The following GRK5 variants were observed in gnomAD, a reference collection of about 807,000 sequenced individuals.
GRK5 encodes G protein-coupled receptor kinase 5, also known as g protein-coupled receptor kinase GRK5.
In GRK5, 40 loss-of-function variants were observed where a neutral mutation model predicts 78.4. That is an observed-to-expected ratio of 0.51 (90% CI 0.40 to 0.66). The LOEUF (loss-of-function observed/expected upper bound fraction) is 0.66, where lower values mean the gene tolerates loss of function less well. Among genes scored for constraint, GRK5 ranks in the 30% least tolerant of loss-of-function variants. The pLI, the probability that GRK5 is intolerant of heterozygous loss-of-function variation, is 0.00. For synonymous variants in GRK5, 289 were observed against 296.8 expected (o/e 0.97, Z 0.27); for missense variants, 598 against 759.9 (o/e 0.79, Z 2.50).
intron 10 of GRK5, 103 bp from the exon 11 acceptor site, chr10:119,441,896 A>G (rs757774698): frequency 9.4e-6 from 8 of 852,508 alleles, no homozygotes; most frequent in Non-Finnish European, 1.4e-5. Flanking sequence ...CCTTGGACAG[A>G]TGAGAATGCC....
chr10:119,279,244 T>G (rs1311195593), intron 1 of GRK5, among the ~76,000 whole-genome samples: 1 of 152,214 alleles, frequency 6.6e-6, no homozygotes, highest in Non-Finnish European at 1.5e-5. Context: ...AATGGCCTCA[T>G]TTTTGCATGA....
At chr10:119,368,299 G>C (rs952527003) in intron 2 of GRK5, among the ~76,000 whole-genome samples, 3 of 152,224 alleles carry the variant, frequency 2.0e-5, no homozygotes, top group African/African-American at 7.2e-5. Flanking sequence ...AGAGCCCCAG[G>C]CCTCTGCGAA....
intron 4 of GRK5, among the ~76,000 whole-genome samples, chr10:119,399,548 T>C (rs781582633): frequency 2.0e-5 from 3 of 152,138 alleles, no homozygotes; most frequent in African/African-American, 4.8e-5. Flanking sequence ...AGGTAGACCA[T>C]AGGAGAGTGG....
At chr10:119,374,611 T>C (rs1164356520) in intron 2 of GRK5, among the ~76,000 whole-genome samples, 1 of 152,222 alleles carries the variant, frequency 6.6e-6, no homozygotes, top group Non-Finnish European at 1.5e-5. Context: ...TTATTGTATG[T>C]GCATGTGTCT....
intron 2 of GRK5, chr10:119,333,524 G>A (rs1282111901): frequency 6.5e-6 from 2 of 308,790 alleles, no homozygotes; most frequent in East Asian, 1.9e-4. Context: ...GGCTTCAAGG[G>A]GAGAGTGACC....
intron 1 of GRK5, among the ~76,000 whole-genome samples, chr10:119,316,420 A>G (rs1850487525): frequency 6.6e-6 from 1 of 152,240 alleles, no homozygotes; most frequent in South Asian, 2.1e-4. Flanking sequence ...CTAACTACCC[A>G]GGATTAGTGC....
intron 3 of GRK5, among the ~76,000 whole-genome samples, chr10:119,384,660 AT>A (rs1487992831): frequency 6.6e-6 from 1 of 152,140 alleles, no homozygotes; most frequent in African/African-American, 2.4e-5. Flanking sequence ...TGGTCTGTGA[AT>A]CCTCAGCCCA....
chr10:119,238,749 G>A lies in GRK5; in HGVS notation c.52+30780G>A, dbSNP rs1435403229. Among the ~76,000 whole-genome samples the A allele has an allele frequency of 3.3e-5, 5 of 152,144 alleles. No homozygotes were observed. Among genetic ancestry groups the A allele is most frequent in the Non-Finnish European group, 1.5e-5 (1 of 68,030 alleles). On this transcript the variant is annotated intron_variant, in intron 1 of 15. Transcript: ENST00000392870. The surrounding 1 kb of genome is among the most constrained non-coding windows in gnomAD (Gnocchi z 4.7). ...CACTCTAATTTGCCATCTGGAATTG[G>A]TTAGCCACATTCTTCTGGGCTCTGA...
chr10:119,307,239 C>G (rs1850286385), intron 1 of GRK5, among the ~76,000 whole-genome samples: 2 of 151,988 alleles, frequency 1.3e-5, no homozygotes, highest in Admixed American at 1.3e-4. Flanking sequence ...GGGTTTAAAC[C>G]CAGGCAGTCT....
intron 2 of GRK5, among the ~76,000 whole-genome samples, chr10:119,366,741 C>A (rs980814515): frequency 2.0e-5 from 3 of 152,164 alleles, no homozygotes; most frequent in African/African-American, 7.2e-5. Flanking sequence ...TGCCTCCTCC[C>A]CACCGTGGAC....
At chr10:119,208,020 G>A (rs1261601984) in intron 1 of GRK5, 51 bp downstream of exon 1, 1 of 1,563,742 alleles carries the variant, frequency 6.4e-7, no homozygotes, top group Non-Finnish European at 8.7e-7. Context: ...GGGCCAGGGT[G>A]CGGGTGTCGG....
chr10:119,274,835 C>T (rs1005054896), intron 1 of GRK5, among the ~76,000 whole-genome samples: 3 of 152,342 alleles, frequency 2.0e-5, no homozygotes, highest in African/African-American at 4.8e-5. Flanking sequence ...CTTGGTTCCA[C>T]CTCTCACTGG....
At chr10:119,245,577 A>G (rs1186907749) in intron 1 of GRK5, among the ~76,000 whole-genome samples, 1 of 152,206 alleles carries the variant, frequency 6.6e-6, no homozygotes, top group Non-Finnish European at 1.5e-5. Flanking sequence ...ATAGTAGTCA[A>G]ACTCATAAGA....
chr10:119,445,673 G>A lies in GRK5; in HGVS notation c.1266+1921G>A, dbSNP rs1397992036. 1.3e-5 allele frequency among the ~76,000 whole-genome samples: 2 copies of A among 152,140 alleles called. No homozygotes were observed. The highest frequency in any genetic ancestry group is 2.4e-5 in the African/African-American group (1 of 41,424). Reference sequence around the variant, plus strand: ...GAGTCTAGTCTTAGGCCTCCTTCACGCCCTTGACTGCAGCATCTCCGGCAT... The same window carrying A: ...GAGTCTAGTCTTAGGCCTCCTTCACACCCTTGACTGCAGCATCTCCGGCAT... On this transcript the variant is annotated intron_variant, in intron 12 of 15. Transcript: ENST00000392870. This position sits in a 1 kb window ranked among gnomAD's most constrained non-coding sequence, Gnocchi z 4.1.
chr10:119,336,313 G>A lies in GRK5; in HGVS notation c.148+9702G>A, dbSNP rs2133777503. On this transcript the variant is annotated intron_variant, in intron 2 of 15. Coordinates refer to ENST00000392870, the MANE Select transcript of GRK5 (RefSeq NM_005308.3). This position sits in a 1 kb window ranked among gnomAD's most constrained non-coding sequence, Gnocchi z 4.5. Reference sequence around the variant, plus strand: ...AGCATCACACTCTGCCCAGGCCCCTGCTCTGGCCCAGTGTGTTTCCTTGAA... The same window carrying A: ...AGCATCACACTCTGCCCAGGCCCCTACTCTGGCCCAGTGTGTTTCCTTGAA... 6.6e-6 allele frequency: 1 copy of A among 152,276 alleles called. No homozygotes were observed. The highest frequency in any genetic ancestry group is 2.1e-4 in the South Asian group (1 of 4,820). The allele number at this position is 152,276 out of a possible 1,614,324, so 9.4% of individuals were successfully genotyped here.
intron 1 of GRK5, among the ~76,000 whole-genome samples, chr10:119,233,958 A>C (rs1848876675): frequency 6.6e-6 from 1 of 152,242 alleles, no homozygotes; most frequent in African/African-American, 2.4e-5. Flanking sequence ...TAGCTGTGTG[A>C]GTCCGGAAGT....
chr10:119,217,757 C>G lies in GRK5; in HGVS notation c.52+9788C>G, dbSNP rs1165420183. On this transcript the variant is annotated intron_variant, in intron 1 of 15. Coordinates refer to ENST00000392870, the MANE Select transcript of GRK5 (RefSeq NM_005308.3). The surrounding 1 kb of genome is among the most constrained non-coding windows in gnomAD (Gnocchi z 4.1). Reference sequence around the variant, plus strand: ...CTGCTGGCTCACCACACATAGCTCCCATCTGCCCTGCACCCTGCTTCCCTG... The same window carrying G: ...CTGCTGGCTCACCACACATAGCTCCGATCTGCCCTGCACCCTGCTTCCCTG... 6.6e-6 allele frequency among the ~76,000 whole-genome samples: 1 copy of G among 152,214 alleles called. No individual in the cohort carries two copies. The highest frequency in any genetic ancestry group is 1.5e-5 in the Non-Finnish European group (1 of 68,040).
In GRK5 at chr10:119,253,836, T is replaced by C. The variant is rs939119456; in HGVS notation, c.52+45867T>C. 7.2e-6 allele frequency among the ~76,000 whole-genome samples: 1 copy of C among 139,400 alleles called. No homozygotes were observed. Among genetic ancestry groups the C allele is most frequent in the African/African-American group, 2.8e-5 (1 of 36,352 alleles). The allele number at this position is 139,400 out of a possible 152,430, so 91.5% of individuals were successfully genotyped here. A position where few individuals can be genotyped will look rare whatever the true frequency, so the allele number is the denominator to read the frequency against. On this transcript the variant is annotated intron_variant, in intron 1 of 15. Transcript: ENST00000392870. This position sits in a 1 kb window ranked among gnomAD's most constrained non-coding sequence, Gnocchi z 5.7. ...TTAGTGTTTGGGTTCCTGGTGGTTC[T>C]TTGCCCCAGGGGTGTGTGTGTGTGT...
chr10:119,321,917 T>G (rs1850592354), intron 1 of GRK5, among the ~76,000 whole-genome samples: 1 of 152,100 alleles, frequency 6.6e-6, no homozygotes, highest in Admixed American at 6.6e-5. Flanking sequence ...CAACCCCTGT[T>G]CTTTTCCTAA....
Sources: gnomAD v4.1 joint callset for allele counts (sites outside exome capture counted in the v4.1 genomes callset) on GRCh38, gnomAD v4.1.1 for gene constraint, Gnocchi (gnomAD v3.1) non-coding constraint, MANE v1.5 for transcripts, NCBI Gene and HGNC (gene_info 2026-07-23, HGNC 2026-07-21) for gene names.